The following ADAM12 variants were observed in gnomAD, a reference collection of about 807,000 sequenced individuals.
The protein encoded by ADAM12 is ADAM metallopeptidase domain 12.
In ADAM12, 70 loss-of-function variants were observed where a neutral mutation model predicts 106.4. The observed-to-expected ratio is 0.66, with a 90% CI of 0.54 to 0.80. The LOEUF (loss-of-function observed/expected upper bound fraction) is 0.80, where lower values mean the gene tolerates loss of function less well. Among genes scored for constraint, ADAM12 ranks in the 30% least tolerant of loss-of-function variants. The probability of loss-of-function intolerance (pLI) is 0.00; values close to 1 mark genes in which losing one functional copy is unlikely to be tolerated. For missense variants in ADAM12, 1,010 were observed against 1,171.9 expected, an observed-to-expected ratio of 0.86 and a Z score of 2.02; for synonymous variants, 420 against 433.5, an observed-to-expected ratio of 0.97 and a Z score of 0.39.
At chr10:126,023,407 G>A (rs891103273) in intron 21 of ADAM12, among the ~76,000 whole-genome samples, 1 of 152,062 alleles carries the variant, frequency 6.6e-6, no homozygotes, top group Non-Finnish European at 1.5e-5. Flanking sequence ...GCTTGGAGAG[G>A]GAGTAGTAAC....
At position 126,327,813 on chromosome 10, in the gene ADAM12, C is replaced by T. The variant is rs557214667; in HGVS notation, c.186+2599G>A. On this transcript the variant is annotated intron_variant, in intron 2 of 22. Transcript: ENST00000448723. ...AGAGAAAGAAGGTCACAGTTTATGT[C>T]GCTATCTCAGGGTGAATGTCTGTTT... Among the ~76,000 whole-genome samples the T allele has an allele frequency of 1.7e-3, 264 of 152,242 alleles. 7 individuals are homozygous for T. Among genetic ancestry groups the T allele is most frequent in the South Asian group, 9.5e-3 (46 of 4,818 alleles).
intron 21 of ADAM12, among the ~76,000 whole-genome samples, chr10:126,033,871 A>C (rs901611047): frequency 2.6e-5 from 4 of 152,232 alleles, no homozygotes; most frequent in African/African-American, 9.7e-5. Flanking sequence ...ATCCAGCAAA[A>C]CTATCCTCTA....
At chr10:126,235,645 A>T (rs901023359) in intron 3 of ADAM12, among the ~76,000 whole-genome samples, 1 of 152,172 alleles carries the variant, frequency 6.6e-6, no homozygotes, top group Non-Finnish European at 1.5e-5. Context: ...TGCCACCAGG[A>T]TGCGTGTCTC....
intron 4 of ADAM12, among the ~76,000 whole-genome samples, chr10:126,147,452 G>C (rs1207981731): frequency 2.0e-5 from 3 of 152,144 alleles, no homozygotes; most frequent in Non-Finnish European, 2.9e-5. Flanking sequence ...CTTGAGGAAG[G>C]CCTTTATTGA....
chr10:126,127,142 CAGG>C (rs1482637174), intron 5 of ADAM12, among the ~76,000 whole-genome samples: 2 of 152,156 alleles, frequency 1.3e-5, no homozygotes, highest in Non-Finnish European at 2.9e-5. Context: ...ATGGCTCTCA[CAGG>C]AGTTTACCCG....
rs145629858 is a variant in ADAM12 at position 126,014,312 on chromosome 10, G to GTTTTTTTTTTTTTTTTTTTTTTTT, written c.*2966_*2967insAAAAAAAAAAAAAAAAAAAAAAAA. ...AGAACATTTTGACACAGTTTTAGCCGGTTTTTTTTTTTTTTTTTTTTTTTT... is the reference window on the plus strand; with the variant it reads ...AGAACATTTTGACACAGTTTTAGCCGTTTTTTTTTTTTTTTTTTTTTTTTGTTTTTTTTTTTTTTTTTTTTTTTT... On this transcript the variant is annotated 3_prime_UTR_variant, in exon 23 of 23. Transcript: ENST00000448723. 1.1e-5 allele frequency: 1 copy of GTTTTTTTTTTTTTTTTTTTTTTTT among 87,672 alleles called. No individual in the cohort carries two copies. Among genetic ancestry groups the GTTTTTTTTTTTTTTTTTTTTTTTT allele is most frequent in the Non-Finnish European group, 2.2e-5 (1 of 44,600 alleles). The allele number at this position is 87,672 out of a possible 1,614,324, so 5.4% of individuals were successfully genotyped here.
At chr10:126,288,135 G>A (rs1306113657) in intron 2 of ADAM12, among the ~76,000 whole-genome samples, 1 of 152,112 alleles carries the variant, frequency 6.6e-6, no homozygotes, top group Non-Finnish European at 1.5e-5. Context: ...TGACCTGCGG[G>A]CTGTCTGCTT....
At chr10:126,030,325 T>C (rs1259299910) in intron 21 of ADAM12, among the ~76,000 whole-genome samples, 1 of 152,148 alleles carries the variant, frequency 6.6e-6, no homozygotes, top group Non-Finnish European at 1.5e-5. Context: ...CCATAATCTC[T>C]CCTAGCAGAG....
At chr10:126,204,920 A>G (rs573643102) in intron 3 of ADAM12, among the ~76,000 whole-genome samples, 2 of 152,218 alleles carry the variant, frequency 1.3e-5, no homozygotes, top group Non-Finnish European at 2.9e-5. Context: ...ACCCACAGTC[A>G]CAAGAATGGG....
chr10:126,227,499 TC>T (rs1958221005), intron 3 of ADAM12, among the ~76,000 whole-genome samples: 1 of 152,192 alleles, frequency 6.6e-6, no homozygotes, highest in Admixed American at 6.5e-5. Context: ...CACACTTTTT[TC>T]ATGACAGCAT....
At chr10:126,195,924 A>G (rs749993448) in intron 3 of ADAM12, among the ~76,000 whole-genome samples, 43 of 152,198 alleles carry the variant, frequency 2.8e-4, no homozygotes, top group Admixed American at 7.2e-4. Flanking sequence ...GTAAAACCCG[A>G]TCACCGTCTC....
intron 21 of ADAM12, among the ~76,000 whole-genome samples, chr10:126,027,529 T>C (rs935246159): frequency 6.6e-6 from 1 of 152,172 alleles, no homozygotes; most frequent in African/African-American, 2.4e-5. Flanking sequence ...CACAATCAAG[T>C]AGGCTTCGTC....
At position 126,187,802 on chromosome 10, in the gene ADAM12, G is replaced by C. The variant is rs145292755; in HGVS notation, c.261-32497C>G. ...AATTACTTGATGAGCTAAAATGAAAGGAGTTTTGAAGACCTCCTTATGTTC... is the reference window on the plus strand; with the variant it reads ...AATTACTTGATGAGCTAAAATGAAACGAGTTTTGAAGACCTCCTTATGTTC... On this transcript the variant is annotated intron_variant, in intron 3 of 22. Transcript: ENST00000448723. 1.4e-4 allele frequency among the ~76,000 whole-genome samples: 22 copies of C among 152,318 alleles called. 1 individual carries two copies. The highest frequency in any genetic ancestry group is 7.4e-5 in the Non-Finnish European group (5 of 68,018).
intron 1 of ADAM12, among the ~76,000 whole-genome samples, chr10:126,353,221 T>C (rs1159528939): frequency 1.3e-5 from 2 of 152,188 alleles, no homozygotes; most frequent in Admixed American, 6.5e-5. Context: ...GGATGGATCA[T>C]TGTGTAACCA....
intron 16 of ADAM12, among the ~76,000 whole-genome samples, chr10:126,048,928 A>T (rs373307961): frequency 2.0e-5 from 3 of 152,158 alleles, no homozygotes; most frequent in South Asian, 4.2e-4. Flanking sequence ...CTGTGCTAAA[A>T]ACCAAGCCAC....
chr10:126,072,410 T>C (rs1288880653), intron 11 of ADAM12, among the ~76,000 whole-genome samples: 2 of 152,176 alleles, frequency 1.3e-5, no homozygotes, highest in Admixed American at 1.3e-4. Flanking sequence ...CACTAGAACA[T>C]GAACAAAAGT....
intron 6 of ADAM12, among the ~76,000 whole-genome samples, chr10:126,114,178 G>A (rs1035904929): frequency 6.6e-6 from 1 of 152,110 alleles, no homozygotes; most frequent in Non-Finnish European, 1.5e-5. Context: ...ACAGGATACA[G>A]CCTCTGACAC....
At chr10:126,357,184 A>G (rs1855568649) in intron 1 of ADAM12, among the ~76,000 whole-genome samples, 1 of 152,214 alleles carries the variant, frequency 6.6e-6, no homozygotes, top group Admixed American at 6.5e-5. Flanking sequence ...TCAAAACTTA[A>G]AGACAAAAAA....
At chr10:126,157,630 G>T (rs111331260) in intron 3 of ADAM12, among the ~76,000 whole-genome samples, 6,396 of 152,310 alleles carry the variant, frequency 0.042, 461 homozygotes, top group African/African-American at 0.14. Context: ...ATAAAACACA[G>T]ACGGGCCCTC....
Sources: gnomAD v4.1 joint callset for allele counts (sites outside exome capture counted in the v4.1 genomes callset) on GRCh38, gnomAD v4.1.1 for gene constraint, MANE v1.5 for transcripts, NCBI Gene and HGNC (gene_info 2026-07-23, HGNC 2026-07-21) for gene names.